The following GABRA3 variants were observed in gnomAD, a reference collection of about 807,000 sequenced individuals.
GABRA3 encodes gamma-aminobutyric acid type A receptor subunit alpha3, also known as gamma-aminobutyric acid receptor subunit alpha-3.
Under a neutral mutation model 30.1 loss-of-function variants are expected in GABRA3, and 10 were observed. That is an observed-to-expected ratio of 0.33 (90% confidence interval 0.20 to 0.56). The LOEUF (loss-of-function observed/expected upper bound fraction) is 0.56. Ranked by LOEUF, GABRA3 falls within the 20% of genes least tolerant of loss-of-function variation. The probability of loss-of-function intolerance (pLI) is 0.89; values close to 1 mark genes in which losing one functional copy is unlikely to be tolerated. For missense variants in GABRA3, 233 were observed against 392.0 expected, an observed-to-expected ratio of 0.59 and a Z score of 3.42; for synonymous variants, 151 against 146.8, an observed-to-expected ratio of 1.03 and a Z score of -0.21.
intron 6 of GABRA3, among the ~76,000 whole-genome samples, chrX:152,221,125 T>G (rs768281862): frequency 3.1e-4 from 35 of 111,799 alleles, no homozygotes; most frequent in Middle Eastern, 4.7e-3. Flanking sequence ...CATTCTATTT[T>G]ACCTTTATGG....
At chrX:152,313,451 C>G (rs1446742618) in intron 3 of GABRA3, among the ~76,000 whole-genome samples, 1 of 111,620 alleles carries the variant, frequency 9.0e-6, no homozygotes, top group Non-Finnish European at 1.9e-5. Context: ...TCTGTTATCC[C>G]TGGACTCCAC....
At chrX:152,354,085 A>G (rs1306860938) in intron 2 of GABRA3, among the ~76,000 whole-genome samples, 1 of 112,113 alleles carries the variant, frequency 8.9e-6, no homozygotes, top group African/African-American at 3.2e-5. Flanking sequence ...AGAGGTTACT[A>G]TATGTAAGTA....
At chrX:152,450,824 C>G (rs780233610) in intron 1 of GABRA3, among the ~76,000 whole-genome samples, 1 of 112,511 alleles carries the variant, frequency 8.9e-6, no homozygotes, top group Admixed American at 9.3e-5. Context: ...GCTGCTGGGG[C>G]CCCCCAAGCA....
intron 3 of GABRA3, among the ~76,000 whole-genome samples, chrX:152,297,796 A>G (rs1158848813): frequency 8.9e-6 from 1 of 112,700 alleles, no homozygotes; most frequent in African/African-American, 3.2e-5. Context: ...GTCAGTAACA[A>G]GTGTGGAAGA....
intron 5 of GABRA3, among the ~76,000 whole-genome samples, chrX:152,241,933 C>A (rs748577541): frequency 6.4e-4 from 71 of 111,604 alleles, no homozygotes; most frequent in African/African-American, 2.1e-3. Context: ...AAACCCGGTA[C>A]CTCAGATGGA....
chrX:152,373,670 C>A (rs1928903723), intron 1 of GABRA3, among the ~76,000 whole-genome samples: 2 of 111,183 alleles, frequency 1.8e-5, no homozygotes, highest in African/African-American at 6.6e-5. Flanking sequence ...GGTACATGTG[C>A]ACAACGTGCA....
chrX:152,241,034 GT>G (rs1260685716), intron 5 of GABRA3, among the ~76,000 whole-genome samples: 1 of 109,531 alleles, frequency 9.1e-6, no homozygotes, highest in African/African-American at 3.3e-5. Context: ...TCCGTTGCTG[GT>G]GAGGAACTGC....
intron 3 of GABRA3, among the ~76,000 whole-genome samples, chrX:152,303,468 T>C (rs954193461): frequency 1.8e-5 from 2 of 111,520 alleles, no homozygotes; most frequent in Non-Finnish European, 3.8e-5. Context: ...ACTGGGTATA[T>C]ACCCAAAGGA....
chrX:152,297,886 G>A (rs1939558382), intron 3 of GABRA3, among the ~76,000 whole-genome samples: 1 of 112,020 alleles, frequency 8.9e-6, no homozygotes, highest in African/African-American at 3.2e-5. Flanking sequence ...GAGCTAGTAG[G>A]ACTTCCTTGG....
At chrX:152,177,798 G>T (rs1208940882) in intron 9 of GABRA3, among the ~76,000 whole-genome samples, 2 of 111,720 alleles carry the variant, frequency 1.8e-5, no homozygotes, top group Non-Finnish European at 3.8e-5. Flanking sequence ...AAAGTGAACT[G>T]GTTGTAGAAA....
chrX:152,413,149 A>C (rs777986187), intron 1 of GABRA3, among the ~76,000 whole-genome samples: 1 of 111,143 alleles, frequency 9.0e-6, no homozygotes, highest in Non-Finnish European at 1.9e-5. Flanking sequence ...ATCCTCAATA[A>C]GATTATCAGC....
Position 152,330,078 on chromosome X carries a change from A to G in GABRA3, c.262+15503T>C, listed in dbSNP as rs765086401. On this transcript the variant is annotated intron_variant, in intron 3 of 9. Transcript: ENST00000370314. ...CTTCTCAAAAGAATACATTAATACA[A>G]CCAACAGACACATGAAAAAATGCTC... 7.7e-3 allele frequency among the ~76,000 whole-genome samples: 857 copies of G among 111,883 alleles called. 17 individuals are homozygous for G. The highest frequency in any genetic ancestry group is 0.026 in the African/African-American group (811 of 30,628).
At position 152,243,072 on chromosome X, in the gene GABRA3, G is replaced by C. The variant is rs141489150; in HGVS notation, c.551+12706C>G. Among the ~76,000 whole-genome samples the C allele has an allele frequency of 2.7e-3, 302 of 111,918 alleles. 2 individuals carry two copies. The highest frequency in any genetic ancestry group is 9.4e-3 in the African/African-American group (289 of 30,857). ...AAATCCTGCCACTTGCGACAACATG[G>C]AGGACATTATCTTAAGCAAAATAAG... On this transcript the variant is annotated intron_variant, in intron 5 of 9. Coordinates refer to ENST00000370314, the MANE Select transcript of GABRA3 (RefSeq NM_000808.4).
chrX:152,348,158 A>T (rs895612775), intron 2 of GABRA3, among the ~76,000 whole-genome samples: 4 of 111,413 alleles, frequency 3.6e-5, no homozygotes, highest in Non-Finnish European at 7.5e-5. Context: ...CCTAAGTAGA[A>T]CTCTTTCTTA....
chrX:152,265,424 G>T (rs1938806151), intron 4 of GABRA3, among the ~76,000 whole-genome samples: 1 of 111,256 alleles, frequency 9.0e-6, no homozygotes, highest in African/African-American at 3.3e-5. Flanking sequence ...AATTAAGAGA[G>T]AAATTGAAAA....
intron 3 of GABRA3, among the ~76,000 whole-genome samples, chrX:152,337,770 G>A (rs1296502285): frequency 8.9e-6 from 1 of 111,969 alleles, no homozygotes; most frequent in Non-Finnish European, 1.9e-5. Flanking sequence ...AGGGAGCCAT[G>A]ATCATGCTAC....
intron 3 of GABRA3, among the ~76,000 whole-genome samples, chrX:152,313,167 C>G (rs1268360883): frequency 8.9e-6 from 1 of 111,803 alleles, no homozygotes; most frequent in Non-Finnish European, 1.9e-5. Context: ...GGATTGACAG[C>G]TTTAGTCCCA....
In GABRA3 at chrX:152,319,763, G is replaced by A. The variant is rs1939933393; in HGVS notation, c.262+25818C>T. Among the ~76,000 whole-genome samples the A allele has an allele frequency of 2.7e-5, 3 of 111,231 alleles. 1 individual carries two copies. The South Asian group carries it at 1.1e-3, about 42-fold the overall frequency. On this transcript the variant is annotated intron_variant, in intron 3 of 9. Transcript: ENST00000370314. ...TAACCTAGAGATCTGTACGGTAAAAGGGACAGTCAGTAGAGTAAACAGACA... is the reference window on the plus strand; with the variant it reads ...TAACCTAGAGATCTGTACGGTAAAAAGGACAGTCAGTAGAGTAAACAGACA...
intron 3 of GABRA3, among the ~76,000 whole-genome samples, chrX:152,291,590 A>G (rs1316648009): frequency 1.8e-5 from 2 of 111,779 alleles, no homozygotes; most frequent in Non-Finnish European, 3.8e-5. Flanking sequence ...GTCTTGTGCC[A>G]GTTTTCAAAG....
Sources: allele counts gnomAD v4.1 joint callset (sites outside exome capture counted in the v4.1 genomes callset), GRCh38; gene constraint gnomAD v4.1.1; transcripts MANE v1.5; gene names NCBI Gene and HGNC (gene_info 2026-07-23, HGNC 2026-07-21).